Variants in CHSY1 observed in about 807,000 individuals in gnomAD.
CHSY1 encodes the protein chondroitin sulfate synthase 1, also known as N-acetylgalactosaminyl-proteoglycan 3-beta-glucuronosyltransferase 1.
A neutral mutation model predicts 59.8 loss-of-function variants in CHSY1; 13 were observed. That is an observed-to-expected ratio of 0.22 (90% confidence interval 0.14 to 0.35). The LOEUF (loss-of-function observed/expected upper bound fraction) is 0.35. Ranked by LOEUF, CHSY1 falls within the 10% of genes least tolerant of loss-of-function variation. The pLI is 1.00. For synonymous variants in CHSY1, 459 were observed against 401.2 expected (o/e 1.14, Z -1.72); for missense variants, 947 against 1,030.6 (o/e 0.92, Z 1.11).
chr15:101,188,263 GAGAC>G, intron 2 of CHSY1: 1 of 888,458 alleles, frequency 1.1e-6, no homozygotes, highest in Admixed American at 6.2e-5. Context: ...TAAATGTCAA[GAGAC>G]CGTAACTGCT....
rs1020012250 is a variant in CHSY1, at chr15:101,235,318, G to A, written c.580C>T (p.Leu194Phe). ...CCCAGGCCTGTCTGCCCAAGAAAGA[G>A]GGGCTCGCTGCTGTTCAAACTCCTC... The part of the protein sequence containing the change: ...FLRSLNSSEP[L>F]FLGQTGLGTT... Residue 194 changes from leucine to phenylalanine, a missense_variant, in exon 2 of 3, where the codon CTC (leucine) becomes TTC (phenylalanine). This residue lies in a region of CHSY1 where 108 missense variants were observed against 144.4 expected (regional missense o/e 0.75). Coordinates refer to ENST00000254190, the MANE Select transcript of CHSY1 (RefSeq NM_014918.5). 1.2e-6 allele frequency: 2 copies of A among 1,614,196 alleles called. No individual in the cohort carries two copies. Among genetic ancestry groups the A allele is most frequent in the Admixed American group, 1.7e-5 (1 of 60,022 alleles).
chr15:101,238,947 G>A (rs551943153), intron 1 of CHSY1, among the ~76,000 whole-genome samples: 2 of 152,322 alleles, frequency 1.3e-5, no homozygotes, highest in East Asian at 3.9e-4. Context: ...GACAATGTGT[G>A]AATGTGTGAC....
At chr15:101,213,918 A>G (rs1005319948) in intron 2 of CHSY1, among the ~76,000 whole-genome samples, 1 of 152,236 alleles carries the variant, frequency 6.6e-6, no homozygotes, top group African/African-American at 2.4e-5. Context: ...GGTTAAAACA[A>G]AAATACAAGA....
intron 2 of CHSY1, among the ~76,000 whole-genome samples, chr15:101,204,435 AAATAATAATAATAATAATAAT>A (rs56793692): frequency 6.9e-6 from 1 of 143,936 alleles, no homozygotes; most frequent in African/African-American, 2.5e-5. Flanking sequence ...ACTCCATCTC[AAATAATAATAATAATAATAAT>A]AATAATAATA....
intron 2 of CHSY1, among the ~76,000 whole-genome samples, chr15:101,221,954 A>G (rs2038793046): frequency 6.6e-6 from 1 of 152,220 alleles, no homozygotes; most frequent in Non-Finnish European, 1.5e-5. Context: ...AGGGTTAACC[A>G]AGATGATGTC....
At chr15:101,182,248 T>C (rs921889294) in intron 2 of CHSY1, among the ~76,000 whole-genome samples, 2 of 152,188 alleles carry the variant, frequency 1.3e-5, no homozygotes, top group Admixed American at 1.3e-4. Flanking sequence ...TTCACAGTAT[T>C]GCACTAAATC....
intron 1 of CHSY1, 52 bp downstream of exon 1, chr15:101,251,070 AGCACCCGGGATGCCG>A: frequency 6.9e-7 from 1 of 1,441,566 alleles, no homozygotes; most frequent in Non-Finnish European, 9.4e-7. Context: ...GAGCCAGGAG[AGCACCCGGGATGCCG>A]GCCGCCGGGA....
intron 2 of CHSY1, among the ~76,000 whole-genome samples, chr15:101,224,440 A>G (rs913132541): frequency 3.9e-5 from 6 of 152,240 alleles, no homozygotes; most frequent in Admixed American, 1.3e-4. Flanking sequence ...TAACAAAAAC[A>G]TAACTTCAGT....
intron 2 of CHSY1, among the ~76,000 whole-genome samples, chr15:101,206,396 G>A (rs781771360): frequency 6.6e-6 from 1 of 152,146 alleles, no homozygotes; most frequent in Non-Finnish European, 1.5e-5. Flanking sequence ...GTCGCAGTGA[G>A]GGAGGACATG....
chr15:101,246,214 C>T (rs2039049746), intron 1 of CHSY1, among the ~76,000 whole-genome samples: 1 of 152,184 alleles, frequency 6.6e-6, no homozygotes, highest in Admixed American at 6.5e-5. Flanking sequence ...CCATCCACCT[C>T]TTTCTTCTGA....
intron 2 of CHSY1, chr15:101,187,865 A>T: frequency 4.6e-6 from 1 of 216,768 alleles, no homozygotes; most frequent in Non-Finnish European, 7.9e-6. Context: ...GAGATGTTTC[A>T]GGGCTCTGCG....
chr15:101,239,103 T>C (rs1461930511), intron 1 of CHSY1, among the ~76,000 whole-genome samples: 2 of 152,204 alleles, frequency 1.3e-5, no homozygotes, highest in Non-Finnish European at 2.9e-5. Flanking sequence ...ATGCTCTCTT[T>C]ATAGAGAAAT....
At chr15:101,245,775 ATGGT>A (rs2039044418) in intron 1 of CHSY1, among the ~76,000 whole-genome samples, 1 of 152,198 alleles carries the variant, frequency 6.6e-6, no homozygotes, top group Non-Finnish European at 1.5e-5. Flanking sequence ...TCAGAGCCAC[ATGGT>A]TCCCTAGTCT....
At chr15:101,206,211 TA>T (rs143370521) in intron 2 of CHSY1, among the ~76,000 whole-genome samples, 3,594 of 152,266 alleles carry the variant, frequency 0.024, 135 homozygotes, top group African/African-American at 0.081. Flanking sequence ...ATTCAGGAGA[TA>T]AGACTAGGGC....
chr15:101,213,972 C>G (rs2038706713), intron 2 of CHSY1, among the ~76,000 whole-genome samples: 1 of 152,234 alleles, frequency 6.6e-6, no homozygotes, highest in Non-Finnish European at 1.5e-5. Flanking sequence ...CCAATGAAAA[C>G]TGGCTCCTTC....
chr15:101,177,983 GAC>G lies in CHSY1; in HGVS notation c.1812_1813del (p.Ser605TrpfsTer17). The G allele has an allele frequency of 1.9e-6, 3 of 1,614,182 alleles. No homozygotes were observed. The highest frequency in any genetic ancestry group is 2.5e-6 in the Non-Finnish European group (3 of 1,180,046). ...GGCCAGGGCTCTTGAAAACTCTCCA[GAC>G]ACAGGCAAAATCTGCATGTCGGCTT... On this transcript the variant is annotated frameshift_variant, in exon 3 of 3. Coordinates refer to ENST00000254190, the MANE Select transcript of CHSY1 (RefSeq NM_014918.5). LOFTEE classifies it high-confidence loss of function.
Position 101,178,988 on chromosome 15 carries a change from A to G in CHSY1, c.817-8T>C. 6.2e-7 allele frequency: 1 copy of G among 1,613,646 alleles called. No individual in the cohort carries two copies. Among genetic ancestry groups the G allele is most frequent in the Non-Finnish European group, 8.5e-7 (1 of 1,179,666 alleles). Reference sequence around the variant, plus strand: ...ATAAAAAAGCTGCTGCATCTGTTACAGGAAAAAAAAGAGATCACAAATTTA... The same window carrying G: ...ATAAAAAAGCTGCTGCATCTGTTACGGGAAAAAAAAGAGATCACAAATTTA... On this transcript the variant is annotated splice_polypyrimidine_tract_variant and splice_region_variant and intron_variant, in intron 2 of 2. Coordinates refer to ENST00000254190, the MANE Select transcript of CHSY1 (RefSeq NM_014918.5).
intron 2 of CHSY1, among the ~76,000 whole-genome samples, chr15:101,181,042 G>A (rs962551908): frequency 6.6e-5 from 10 of 152,316 alleles, no homozygotes; most frequent in South Asian, 2.1e-4. Flanking sequence ...TGGGGCACTC[G>A]GAGGCACAGC....
chr15:101,176,173 A>G lies in CHSY1; in HGVS notation c.*1215T>C, dbSNP rs1312134341. On this transcript the variant is annotated 3_prime_UTR_variant, in exon 3 of 3. Coordinates refer to ENST00000254190, the MANE Select transcript of CHSY1 (RefSeq NM_014918.5). ...CTAAACACACTCCCGATACACATAA[A>G]TAATACTAACTAACAGGTACTCAAG... 1 of 398,406 alleles carries G rather than the reference A, an allele frequency of 2.5e-6. No homozygotes were observed. Among genetic ancestry groups the G allele is most frequent in the Non-Finnish European group, 4.4e-6 (1 of 225,936 alleles). 24.7% of individuals were successfully genotyped at this position (398,406 alleles called of 1,614,324 possible).
Sources: allele counts gnomAD v4.1 joint callset (sites outside exome capture counted in the v4.1 genomes callset), GRCh38; gene constraint gnomAD v4.1.1; regional missense constraint gnomAD v4.1.1; transcripts MANE v1.5; gene names NCBI Gene and HGNC (gene_info 2026-07-23, HGNC 2026-07-21).